The following CMIP variants were observed in gnomAD, a reference collection of about 807,000 sequenced individuals.
CMIP encodes the protein C-Maf-inducing protein.
Under a neutral mutation model 97.3 loss-of-function variants are expected in CMIP, and 13 were observed. That is an observed-to-expected ratio of 0.13 (90% CI 0.09 to 0.21). The LOEUF is 0.21. Ranked by LOEUF, CMIP falls within the 10% of genes least tolerant of loss-of-function variation. The pLI is 1.00. For missense variants in CMIP, 847 were observed against 1,024.9 expected (o/e 0.83, Z 2.37); for synonymous variants, 538 against 436.3 (o/e 1.23, Z -2.91).
intron 1 of CMIP, among the ~76,000 whole-genome samples, chr16:81,501,286 C>T (rs550103763): frequency 6.6e-5 from 10 of 152,320 alleles, no homozygotes; most frequent in South Asian, 6.2e-4. Context: ...TGGGTTGTGA[C>T]GCACGGGCAG....
chr16:81,621,044 C>T lies in CMIP; in HGVS notation c.477+118C>T, dbSNP rs968058334. The T allele has an allele frequency of 3.9e-5, 50 of 1,292,696 alleles. No individual in the cohort carries two copies. Among genetic ancestry groups the T allele is most frequent in the Non-Finnish European group, 3.2e-6 (3 of 923,268 alleles). The allele number at this position is 1,292,696 out of a possible 1,614,324, so 80.1% of individuals were successfully genotyped here. ...AACTCATGCCTTCCAGATGGCTCAG[C>T]TGAGGAACTTTGTTCCCCTACCTAA... On this transcript the variant is annotated intron_variant, in intron 3 of 20. Coordinates refer to ENST00000537098, the MANE Select transcript of CMIP (RefSeq NM_198390.3). This position sits in a 1 kb window ranked among gnomAD's most constrained non-coding sequence, Gnocchi z 4.1.
rs535336287 is a variant in CMIP at position 81,702,818 on chromosome 16, C to A, written c.1944+149C>A. On this transcript the variant is annotated intron_variant, in intron 17 of 20. Transcript: ENST00000537098. ...CCTAGTACTTAACACGCCAGCTCTT[C>A]CAGGAGGTAGCTGGGTTACAGGAAG... The A allele has an allele frequency of 5.0e-5, 34 of 682,652 alleles. No individual in the cohort carries two copies. In the South Asian group the frequency reaches 5.3e-4, roughly 11 times the overall value. The allele number at this position is 682,652 out of a possible 1,614,324, so 42.3% of individuals were successfully genotyped here.
At chr16:81,485,616 TTTAGC>T (rs1256977529) in intron 1 of CMIP, among the ~76,000 whole-genome samples, 1 of 152,224 alleles carries the variant, frequency 6.6e-6, no homozygotes, top group African/African-American at 2.4e-5. Context: ...GGCCTATTTA[TTTAGC>T]TGTATGTTTA....
intron 10 of CMIP, among the ~76,000 whole-genome samples, chr16:81,680,229 G>A (rs921311670): frequency 2.0e-5 from 3 of 152,212 alleles, no homozygotes; most frequent in Non-Finnish European, 2.9e-5. Context: ...CCCCTGTGTC[G>A]TCACGCGCTG....
At chr16:81,547,805 G>A (rs2090576054) in intron 1 of CMIP, among the ~76,000 whole-genome samples, 1 of 152,196 alleles carries the variant, frequency 6.6e-6, no homozygotes, top group Non-Finnish European at 1.5e-5. Flanking sequence ...GGGGAATTTG[G>A]CAGACACCGA....
At position 81,684,945 on chromosome 16, in the gene CMIP, A is replaced by T. The variant is rs568105722; in HGVS notation, c.1388+6317A>T. The stretch of plus-strand genomic sequence containing the variant: ...GCCAGAGGCATCCCATCCTAGGATA[A>T]CAGGCCCGCCCAGAGCCAGGGCAGT... On this transcript the variant is annotated intron_variant, in intron 10 of 20. Transcript: ENST00000537098. Among the ~76,000 whole-genome samples the T allele has an allele frequency of 7.9e-5, 12 of 152,342 alleles. No homozygotes were observed. The East Asian group carries it at 2.3e-3, about 29-fold the overall frequency.
At chr16:81,575,993 T>G (rs7196195) in intron 1 of CMIP, among the ~76,000 whole-genome samples, 76,963 of 152,084 alleles carry the variant, frequency 0.51, 20,183 homozygotes, top group Non-Finnish European at 0.57. Context: ...CGCTAAGCAG[T>G]CACTAGGTAT....
intron 1 of CMIP, among the ~76,000 whole-genome samples, chr16:81,595,387 C>CTTT (rs747169672): frequency 2.9e-5 from 4 of 137,676 alleles, no homozygotes; most frequent in South Asian, 2.3e-4. Context: ...TTCCTTCTTT[C>CTTT]TTTTTTTTTT....
intron 1 of CMIP, among the ~76,000 whole-genome samples, chr16:81,533,322 T>G (rs1488239522): frequency 6.6e-6 from 1 of 152,198 alleles, no homozygotes; most frequent in East Asian, 1.9e-4. Flanking sequence ...AGTGAACGAA[T>G]GAATGAATCA....
intron 7 of CMIP, among the ~76,000 whole-genome samples, chr16:81,667,791 A>AGTGTGTGT (rs1268856193): frequency 2.9e-5 from 3 of 102,820 alleles, no homozygotes; most frequent in South Asian, 6.9e-4. Context: ...AGAGAGAGAG[A>AGTGTGTGT]GAGAGAGAGT....
At chr16:81,682,953 C>T (rs1053749302) in intron 10 of CMIP, among the ~76,000 whole-genome samples, 25 of 152,284 alleles carry the variant, frequency 1.6e-4, no homozygotes, top group African/African-American at 5.8e-4. Context: ...AACGTGGATT[C>T]GGGAGGCGAA....
intron 3 of CMIP, among the ~76,000 whole-genome samples, chr16:81,632,576 C>A (rs958316945): frequency 6.6e-6 from 1 of 152,206 alleles, no homozygotes; most frequent in Admixed American, 6.5e-5. Flanking sequence ...CATAGGGAGA[C>A]TGAGTTTCTG....
intron 1 of CMIP, among the ~76,000 whole-genome samples, chr16:81,580,938 C>G (rs931391232): frequency 9.5e-5 from 14 of 148,124 alleles, no homozygotes; most frequent in African/African-American, 3.7e-4. Flanking sequence ...TCCCCATTCC[C>G]CTCTCTTCCA....
Position 81,464,998 on chromosome 16 carries a change from G to A in CMIP, c.300+19457G>A, listed in dbSNP as rs1448779988. ...AGTTGTTCCCTTGTTGGCTGTTGTG[G>A]GTAACGCTCCTGTGAACATTGGTGC... On this transcript the variant is annotated intron_variant, in intron 1 of 20. Coordinates refer to ENST00000537098, the MANE Select transcript of CMIP (RefSeq NM_198390.3). 2.0e-5 allele frequency: 3 copies of A among 152,164 alleles called. No homozygotes were observed. In the East Asian group the frequency reaches 5.8e-4, roughly 29 times the overall value. The allele number at this position is 152,164 out of a possible 1,614,324, so 9.4% of individuals were successfully genotyped here.
At chr16:81,501,067 A>G (rs575260566) in intron 1 of CMIP, among the ~76,000 whole-genome samples, 5 of 152,240 alleles carry the variant, frequency 3.3e-5, no homozygotes. Context: ...TGCCACTTCC[A>G]GGAGCTGCTC....
At chr16:81,634,478 C>T (rs1359685632) in intron 3 of CMIP, among the ~76,000 whole-genome samples, 3 of 152,130 alleles carry the variant, frequency 2.0e-5, no homozygotes, top group Non-Finnish European at 2.9e-5. Context: ...CCATAGCTTT[C>T]GGGTTACTCT....
At chr16:81,582,640 C>G (rs546987807) in intron 1 of CMIP, among the ~76,000 whole-genome samples, 2 of 152,202 alleles carry the variant, frequency 1.3e-5, no homozygotes, top group South Asian at 4.2e-4. Context: ...AGAAGTGTAC[C>G]AAAGTCACGG....
At chr16:81,704,203 C>A in intron 18 of CMIP, 118 bp downstream of exon 18, 1 of 704,936 alleles carries the variant, frequency 1.4e-6, no homozygotes, top group Non-Finnish European at 2.3e-6. Flanking sequence ...CCCCCTCCCC[C>A]TCCTTCCTGC....
intron 1 of CMIP, among the ~76,000 whole-genome samples, chr16:81,535,731 C>T (rs986081716): frequency 2.6e-5 from 4 of 152,096 alleles, no homozygotes; most frequent in South Asian, 2.1e-4. Flanking sequence ...TTCAGACACT[C>T]GTTTACAGAT....
Sources: allele counts gnomAD v4.1 joint callset (sites outside exome capture counted in the v4.1 genomes callset), GRCh38; gene constraint gnomAD v4.1.1; non-coding constraint Gnocchi (gnomAD v3.1); transcripts MANE v1.5; gene names NCBI Gene and HGNC (gene_info 2026-07-23, HGNC 2026-07-21).